Variants in GOLGA5 observed in about 807,000 individuals in gnomAD.
GOLGA5 encodes the protein golgin subfamily A member 5.
In GOLGA5, 50 loss-of-function variants were observed where a neutral mutation model predicts 93.5. The observed-to-expected ratio is 0.53, with a 90% CI of 0.43 to 0.68. GOLGA5 has a LOEUF of 0.68. Among genes scored for constraint, GOLGA5 ranks in the 30% least tolerant of loss-of-function variants. The pLI, the probability that GOLGA5 is intolerant of heterozygous loss-of-function variation, is 0.00. For synonymous variants in GOLGA5, 312 were observed against 304.5 expected (o/e 1.02, Z -0.26); for missense variants, 760 against 856.4 (o/e 0.89, Z 1.40).
In GOLGA5 at chr14:92,823,654, A is replaced by G. The variant is rs183940316; in HGVS notation, c.1621-892A>G. On this transcript the variant is annotated intron_variant, in intron 8 of 12. Transcript: ENST00000163416. ...GGTCTTGAACTCCTGGACTCAAGCA[A>G]TTCACCCACTTCAGCCTCCCCAAGT... 5.9e-4 allele frequency among the ~76,000 whole-genome samples: 89 copies of G among 151,990 alleles called. 1 individual carries two copies. The highest frequency in any genetic ancestry group is 1.9e-3 in the African/African-American group (77 of 41,490).
At chr14:92,822,680 G>C (rs1234132000) in intron 8 of GOLGA5, among the ~76,000 whole-genome samples, 1 of 152,074 alleles carries the variant, frequency 6.6e-6, no homozygotes. Flanking sequence ...TTTTTGAGAC[G>C]GAGTGTCGCT....
Position 92,797,547 on chromosome 14 carries a change from G to T in GOLGA5, c.110G>T (p.Ser37Ile), listed in dbSNP as rs1412467809. The T allele has an allele frequency of 4.3e-6, 7 of 1,613,248 alleles. No individual in the cohort carries two copies. The highest frequency in any genetic ancestry group is 5.9e-6 in the Non-Finnish European group (7 of 1,179,242). ...SRKDNASNIY[S>I]KNTDYTELHQ... ...AAAGACAATGCCAGCAACATATATA[G>T]CAAAAATACTGACTATACTGAACTT... is the stretch of plus-strand genomic sequence containing the variant. The change falls in exon 2 of 13, where the codon AGC (serine) becomes ATC (isoleucine). Residue 37 changes from serine (S) to isoleucine (I), a missense_variant. Physicochemically the swap from Ser to Ile is moderately radical, Grantham distance 142 (BLOSUM62 -2). Transcript: ENST00000163416.
At position 92,835,541 on chromosome 14, in the gene GOLGA5, A is replaced by T. The variant is rs373999350; in HGVS notation, c.1946-18A>T. ...AATTTTTATGTCAGTACACTAATTTATTTTCTTATTTAAACAGGCACTCGT... is the reference window on the plus strand; with the variant it reads ...AATTTTTATGTCAGTACACTAATTTTTTTTCTTATTTAAACAGGCACTCGT... On this transcript the variant is annotated intron_variant, in intron 10 of 12. Transcript: ENST00000163416. 1 of 1,511,444 alleles carries T rather than the reference A, an allele frequency of 6.6e-7. No homozygotes were observed. Among genetic ancestry groups the T allele is most frequent in the African/African-American group, 1.4e-5 (1 of 73,000 alleles). 93.6% of individuals were successfully genotyped at this position (1,511,444 alleles called of 1,614,324 possible).
chr14:92,809,644 A>G, intron 4 of GOLGA5, 125 bp downstream of exon 4: 2 of 673,484 alleles, frequency 3.0e-6, no homozygotes, highest in Non-Finnish European at 5.2e-6. Context: ...GTAGTGTTAG[A>G]AATGTGTATG....
intron 6 of GOLGA5, among the ~76,000 whole-genome samples, chr14:92,812,622 G>A (rs1885126019): frequency 6.6e-6 from 1 of 152,000 alleles, no homozygotes; most frequent in Admixed American, 6.6e-5. Flanking sequence ...AATATTTGAT[G>A]ACCTAAATAA....
intron 8 of GOLGA5, 101 bp downstream of exon 8, chr14:92,819,937 C>A: frequency 8.9e-7 from 1 of 1,120,840 alleles, no homozygotes; most frequent in Non-Finnish European, 1.2e-6. Flanking sequence ...AGAGTATGGG[C>A]TTAGGGTTAC....
rs781614975 is a variant in GOLGA5 at position 92,816,244 on chromosome 14, A to C, written c.1321-7A>C. The C allele has an allele frequency of 1.3e-6, 2 of 1,595,030 alleles. No homozygotes were observed. Among genetic ancestry groups the C allele is most frequent in the Admixed American group, 3.4e-5 (2 of 59,286 alleles). On this transcript the variant is annotated splice_polypyrimidine_tract_variant and splice_region_variant and intron_variant, in intron 6 of 12. Coordinates refer to ENST00000163416, the MANE Select transcript of GOLGA5 (RefSeq NM_005113.4). ...TTTGCTTAAACATATTTCTTCTTTT[A>C]TAATAGTCTAAGGAAAAATTGATTA...
Position 92,797,542 on chromosome 14 carries a change from A to G in GOLGA5, c.105A>G (p.Ile35Met), listed in dbSNP as rs563117542. The change falls in exon 2 of 13, where the codon ATA (isoleucine) becomes ATG (methionine). Residue 35 changes from isoleucine (I) to methionine (M), a missense_variant. Ile to Met is a conservative substitution (Grantham distance 10). Transcript: ENST00000163416. ...ALSRKDNASNIYSKNTDYTEL... is the reference protein window; with the variant it reads ...ALSRKDNASNMYSKNTDYTEL... ...GTAGGAAAGACAATGCCAGCAACAT[A>G]TATAGCAAAAATACTGACTATACTG... is the stretch of plus-strand genomic sequence containing the variant. 2 of 1,613,050 alleles carry G rather than the reference A, an allele frequency of 1.2e-6. No homozygotes were observed. The highest frequency in any genetic ancestry group is 2.7e-5 in the African/African-American group (2 of 74,912).
intron 1 of GOLGA5, among the ~76,000 whole-genome samples, chr14:92,796,130 C>T (rs1224182809): frequency 6.6e-6 from 1 of 152,172 alleles, no homozygotes; most frequent in Non-Finnish European, 1.5e-5. Flanking sequence ...TATGTGCACA[C>T]CTAAATTATA....
At position 92,795,468 on chromosome 14, in the gene GOLGA5, A is replaced by G. The variant is rs117718782; in HGVS notation, c.-31+1012A>G. On this transcript the variant is annotated intron_variant, in intron 1 of 12. Transcript: ENST00000163416. ...GACTTGAGTATCTGAGCTGCTGTCT[A>G]AACTCTGGGATCTTTCTAAACCCTT... 6.3e-3 allele frequency among the ~76,000 whole-genome samples: 956 copies of G among 152,300 alleles called. 14 individuals are homozygous for G. Among genetic ancestry groups the G allele is most frequent in the South Asian group, 0.061 (297 of 4,832 alleles).
At chr14:92,798,288 A>G (rs1884782932) in intron 2 of GOLGA5, among the ~76,000 whole-genome samples, 1 of 152,256 alleles carries the variant, frequency 6.6e-6, no homozygotes. Context: ...AATCTGAAAG[A>G]AAACATGTCA....
At chr14:92,800,649 A>G (rs902246379) in intron 2 of GOLGA5, among the ~76,000 whole-genome samples, 31 of 152,216 alleles carry the variant, frequency 2.0e-4, no homozygotes, top group African/African-American at 7.2e-4. Flanking sequence ...GTGCCTTCCC[A>G]GGCTTCCTGA....
At chr14:92,806,985 G>A (rs767296247) in intron 3 of GOLGA5, 22 bp downstream of exon 3, 2 of 1,439,462 alleles carry the variant, frequency 1.4e-6, no homozygotes, top group South Asian at 2.3e-5. Context: ...AATTGTTCAG[G>A]ATTAGGAATT....
In GOLGA5 at chr14:92,833,362, A is replaced by G. The variant is rs1885571224; in HGVS notation, c.1945+15A>G. 1.4e-6 allele frequency: 2 copies of G among 1,473,278 alleles called. No individual in the cohort carries two copies. Among genetic ancestry groups the G allele is most frequent in the South Asian group, 1.1e-5 (1 of 88,094 alleles). 91.3% of individuals were successfully genotyped at this position (1,473,278 alleles called of 1,614,324 possible). The stretch of plus-strand genomic sequence containing the variant: ...CAATGGTGAAGGTAATCAAAAAAGG[A>G]ATCTCAAAAGAACATTTCATTCAAA... On this transcript the variant is annotated intron_variant, in intron 10 of 12. Coordinates refer to ENST00000163416, the MANE Select transcript of GOLGA5 (RefSeq NM_005113.4).
intron 1 of GOLGA5, among the ~76,000 whole-genome samples, chr14:92,795,726 A>G (rs1057309072): frequency 1.5e-5 from 1 of 67,242 alleles, no homozygotes; most frequent in African/African-American, 7.4e-5. Flanking sequence ...AACAAGAAGC[A>G]TGTTAAAAAA....
At chr14:92,798,848 C>A (rs1000109764) in intron 2 of GOLGA5, among the ~76,000 whole-genome samples, 1 of 152,006 alleles carries the variant, frequency 6.6e-6, no homozygotes, top group African/African-American at 2.4e-5. Context: ...CTCAGGAGGT[C>A]GAGGTTGCAG....
At chr14:92,803,466 A>C (rs539083269) in intron 2 of GOLGA5, among the ~76,000 whole-genome samples, 1 of 152,346 alleles carries the variant, frequency 6.6e-6, no homozygotes, top group South Asian at 2.1e-4. Context: ...TTGGTGTAAG[A>C]CTGAGATTAT....
rs1247332960 is a variant in GOLGA5, at chr14:92,806,848, C to T, written c.657C>T (p.Gly219=). The change falls in exon 3 of 13, where the codon GGC becomes GGT. Residue 219 remains glycine (G), a synonymous_variant. Coordinates refer to ENST00000163416, the MANE Select transcript of GOLGA5 (RefSeq NM_005113.4). ...ACACCCCAACACCTAATGATGATGG[C>T]AAATCACATGAACTGTCTAACCTTC... ...PDHTPTPNDD[G]KSHELSNLRL... 6.2e-7 allele frequency: 1 copy of T among 1,612,562 alleles called. No individual in the cohort carries two copies.
At position 92,810,235 on chromosome 14, in the gene GOLGA5, A is replaced by T; in HGVS notation, c.993-19A>T. 6.3e-7 allele frequency: 1 copy of T among 1,584,332 alleles called. No homozygotes were observed. The highest frequency in any genetic ancestry group is 8.6e-7 in the Non-Finnish European group (1 of 1,159,226). On this transcript the variant is annotated intron_variant, in intron 4 of 12. Coordinates refer to ENST00000163416, the MANE Select transcript of GOLGA5 (RefSeq NM_005113.4). The stretch of plus-strand genomic sequence containing the variant: ...ACACTGTAGACATGAGTTATTTCAC[A>T]TGATGCATTTTCCTTTAGAATAATG...
Sources: gnomAD v4.1 joint callset for allele counts (sites outside exome capture counted in the v4.1 genomes callset) on GRCh38, gnomAD v4.1.1 for gene constraint, MANE v1.5 for transcripts, NCBI Gene and HGNC (gene_info 2026-07-23, HGNC 2026-07-21) for gene names.